The following CCDC150 variants were observed in gnomAD, a reference collection of about 807,000 sequenced individuals.
The protein encoded by CCDC150 is coiled-coil domain-containing protein 150.
CCDC150 carries 151 observed loss-of-function variants against 156.5 expected under a neutral mutation model. That is an observed-to-expected ratio of 0.97 (90% CI 0.85 to 1.10). The LOEUF (loss-of-function observed/expected upper bound fraction) is 1.10, where lower values mean the gene tolerates loss of function less well. Among genes scored for constraint, CCDC150 ranks in the 50% least tolerant of loss-of-function variants. CCDC150 has a pLI of 0.00. For synonymous variants in CCDC150, 452 were observed against 429.4 expected, an observed-to-expected ratio of 1.05 and a Z score of -0.65; for missense variants, 1,312 against 1,268.1, an observed-to-expected ratio of 1.03 and a Z score of -0.53.
chr2:196,720,310 G>A (rs1697805111), intron 19 of CCDC150: 3 of 406,886 alleles, frequency 7.4e-6, no homozygotes, highest in Non-Finnish European at 1.4e-5. Flanking sequence ...TATTGCCTTT[G>A]CATTTTTAAA....
At chr2:196,677,460 C>A in intron 13 of CCDC150, 99 bp downstream of exon 13, 1 of 778,508 alleles carries the variant, frequency 1.3e-6, no homozygotes, top group Non-Finnish European at 2.2e-6. Flanking sequence ...TGATGAATAC[C>A]AAGCTGCAGG....
chr2:196,681,591 G>A (rs774052338), intron 13 of CCDC150, among the ~76,000 whole-genome samples: 9 of 152,048 alleles, frequency 5.9e-5, no homozygotes, highest in Admixed American at 3.9e-4. Context: ...TCTCACCAGC[G>A]ATGTACAAAA....
intron 15 of CCDC150, among the ~76,000 whole-genome samples, chr2:196,706,584 T>C (rs1037488733): frequency 6.6e-6 from 1 of 152,368 alleles, no homozygotes; most frequent in Non-Finnish European, 1.5e-5. Context: ...CATCCCTGTC[T>C]TGTGCCAGTT....
At chr2:196,662,067 A>G (rs1693592587) in intron 5 of CCDC150, among the ~76,000 whole-genome samples, 1 of 152,220 alleles carries the variant, frequency 6.6e-6, no homozygotes, top group African/African-American at 2.4e-5. Context: ...AACAAATTAT[A>G]GTACCTAATT....
chr2:196,672,903 T>TTA (rs895044413), intron 9 of CCDC150, among the ~76,000 whole-genome samples: 30 of 152,252 alleles, frequency 2.0e-4, no homozygotes, highest in African/African-American at 7.0e-4. Context: ...AGCTGATGTT[T>TTA]TATATATATG....
chr2:196,712,029 T>C, intron 15 of CCDC150, 116 bp from the exon 16 acceptor site: 1 of 366,212 alleles, frequency 2.7e-6, no homozygotes, highest in East Asian at 4.1e-5. Flanking sequence ...TTTTTTTTTT[T>C]TTTTTACAAC....
At chr2:196,646,193 C>A in intron 1 of CCDC150, 148 bp from the exon 2 acceptor site, 1 of 632,132 alleles carries the variant, frequency 1.6e-6, no homozygotes. Context: ...CTTATAACTT[C>A]CACCTACATT....
intron 7 of CCDC150, among the ~76,000 whole-genome samples, chr2:196,669,514 C>T (rs553547288): frequency 1.3e-5 from 2 of 152,294 alleles, no homozygotes; most frequent in Non-Finnish European, 2.9e-5. Context: ...ACTCATATGT[C>T]AGTTACTTTA....
chr2:196,726,205 C>A, intron 22 of CCDC150, 106 bp downstream of exon 22: 1 of 1,285,318 alleles, frequency 7.8e-7, no homozygotes, highest in Non-Finnish European at 1.1e-6. Flanking sequence ...TCTCATCCCC[C>A]TTTGATCAGC....
At position 196,665,572 on chromosome 2, in the gene CCDC150, G is replaced by A; in HGVS notation, c.651G>A (p.Arg217=). 1 of 1,593,604 alleles carries A rather than the reference G, an allele frequency of 6.3e-7. No homozygotes were observed. ...RKMNLKIQEL[R]RQLAQEKYLR... ...ACTGCAGTGTTGCTTTGTAGCTAAGGAGACAACTGGCTCAGGAGAAGTACC... is the reference window on the plus strand; with the variant it reads ...ACTGCAGTGTTGCTTTGTAGCTAAGAAGACAACTGGCTCAGGAGAAGTACC... The change falls in exon 6 of 28, where the codon AGG becomes AGA. Residue 217 remains arginine (R), a synonymous_variant. Transcript: ENST00000389175.
At chr2:196,724,534 A>G (rs1470820606) in intron 21 of CCDC150, among the ~76,000 whole-genome samples, 3 of 152,096 alleles carry the variant, frequency 2.0e-5, no homozygotes, top group South Asian at 2.1e-4. Context: ...AGTACAAACT[A>G]TTACCCTATG....
chr2:196,667,673 C>T (rs781619903), intron 7 of CCDC150: 4 of 152,158 alleles, frequency 2.6e-5, no homozygotes, highest in Admixed American at 6.6e-5. Flanking sequence ...AACTCCAAGC[C>T]GAGTGTACTC....
At chr2:196,712,118 T>G in intron 15 of CCDC150, 27 bp from the exon 16 acceptor site, 1 of 1,154,930 alleles carries the variant, frequency 8.7e-7, no homozygotes, top group African/African-American at 1.6e-5. Flanking sequence ...TTTTAAAATT[T>G]TTTTTGTATT....
Position 196,672,371 on chromosome 2 carries a change from A to G in CCDC150, c.963A>G (p.Glu321=), listed in dbSNP as rs889488703. The change falls in exon 9 of 28, where the codon GAA becomes GAG. Residue 321 remains glutamate, a synonymous_variant. Transcript: ENST00000389175. ...NKNLQISFNK[E]HEENAYLRSE... is the part of the protein sequence containing the mutation. ...ACCTGCAGATATCTTTCAACAAGGAACATGAAGAAAATGCATATTTGAGGT... is the reference window on the plus strand; with the variant it reads ...ACCTGCAGATATCTTTCAACAAGGAGCATGAAGAAAATGCATATTTGAGGT... 1.3e-6 allele frequency: 2 copies of G among 1,543,660 alleles called. No homozygotes were observed. Among genetic ancestry groups the G allele is most frequent in the Non-Finnish European group, 1.7e-6 (2 of 1,147,654 alleles).
At chr2:196,704,590 G>A (rs1021276607) in intron 15 of CCDC150, among the ~76,000 whole-genome samples, 2 of 152,072 alleles carry the variant, frequency 1.3e-5, no homozygotes, top group African/African-American at 4.8e-5. Flanking sequence ...TAGGGTACAT[G>A]TGCACAACAT....
At chr2:196,684,943 A>G (rs1695039269) in intron 13 of CCDC150, among the ~76,000 whole-genome samples, 1 of 152,066 alleles carries the variant, frequency 6.6e-6, no homozygotes, top group Admixed American at 6.6e-5. Flanking sequence ...TTTGGATCTA[A>G]AGTGTATATT....
Position 196,729,862 on chromosome 2 carries a change from G to A in CCDC150, c.2820+1G>A, listed in dbSNP as rs750154871. Reference sequence around the variant, plus strand: ...ATATCAGAAAAAGAACTATGAACAGGTAGATGATTTCCATATACTCTGTGT... The same window carrying A: ...ATATCAGAAAAAGAACTATGAACAGATAGATGATTTCCATATACTCTGTGT... On this transcript the variant is annotated splice_donor_variant, in intron 24 of 27. Coordinates refer to ENST00000389175, the MANE Select transcript of CCDC150 (RefSeq NM_001080539.2). LOFTEE classifies it high-confidence loss of function. The A allele has an allele frequency of 2.2e-5, 35 of 1,602,186 alleles. No individual in the cohort carries two copies. Among genetic ancestry groups the A allele is most frequent in the South Asian group, 1.1e-4 (10 of 89,102 alleles).
Position 196,669,849 on chromosome 2 carries a change from C to A in CCDC150, c.909C>A (p.Leu303=), listed in dbSNP as rs1347238575. 2 of 1,611,012 alleles carry A rather than the reference C, an allele frequency of 1.2e-6. No individual in the cohort carries two copies. Among genetic ancestry groups the A allele is most frequent in the Non-Finnish European group, 1.7e-6 (2 of 1,178,158 alleles). Reference sequence around the variant, plus strand: ...TGTTTTTAGCTTCTAGAGATGACCTCATTTCCAAGTTGGTTGAAGAAAATA... The same window carrying A: ...TGTTTTTAGCTTCTAGAGATGACCTAATTTCCAAGTTGGTTGAAGAAAATA... ...LKSDLTSRDD[L]ISKLVEENKN... Residue 303 remains leucine (L), a synonymous_variant, in exon 8 of 28, where the codon CTC becomes CTA. Coordinates refer to ENST00000389175, the MANE Select transcript of CCDC150 (RefSeq NM_001080539.2).
intron 1 of CCDC150, among the ~76,000 whole-genome samples, chr2:196,641,239 A>G (rs1692213526): frequency 6.6e-6 from 1 of 151,996 alleles, no homozygotes; most frequent in Non-Finnish European, 1.5e-5. Context: ...GGCCTTCCAA[A>G]GTGCTGGGAT....
Sources: gnomAD v4.1 joint callset for allele counts (sites outside exome capture counted in the v4.1 genomes callset) on GRCh38, gnomAD v4.1.1 for gene constraint, MANE v1.5 for transcripts, NCBI Gene and HGNC (gene_info 2026-07-23, HGNC 2026-07-21) for gene names.